The following INTS2 variants were observed in gnomAD, a reference collection of about 807,000 sequenced individuals.
INTS2 encodes KIAA1287.
In INTS2, 57 loss-of-function variants were observed where a neutral mutation model predicts 139.6. That is an observed-to-expected ratio of 0.41 (90% CI 0.33 to 0.51). The LOEUF is 0.51. Among genes scored for constraint, INTS2 ranks in the 20% least tolerant of loss-of-function variants. The pLI is 0.28. For missense variants in INTS2, 1,196 were observed against 1,436.7 expected (o/e 0.83, Z 2.71); for synonymous variants, 473 against 493.4 (o/e 0.96, Z 0.55).
chr17:61,903,665 CAA>C (rs542642709), intron 9 of INTS2, among the ~76,000 whole-genome samples: 3 of 109,716 alleles, frequency 2.7e-5, no homozygotes, highest in Non-Finnish European at 2.0e-5. Flanking sequence ...AATATTAATC[CAA>C]AAAAAAAAAA....
At chr17:61,906,963 CAAAAA>C (rs34773307) in intron 8 of INTS2, among the ~76,000 whole-genome samples, 2 of 80,204 alleles carry the variant, frequency 2.5e-5, no homozygotes, top group East Asian at 4.2e-4. Context: ...GATTCCATCT[CAAAAA>C]AAAAAAAAAA....
intron 8 of INTS2, among the ~76,000 whole-genome samples, chr17:61,906,716 G>A (rs2143077125): frequency 6.6e-6 from 1 of 152,034 alleles, no homozygotes; most frequent in South Asian, 2.1e-4. Flanking sequence ...CAGGCACAGT[G>A]GCTCATGCCT....
intron 15 of INTS2, among the ~76,000 whole-genome samples, chr17:61,889,422 C>A (rs1358697953): frequency 1.3e-5 from 2 of 152,068 alleles, no homozygotes; most frequent in Non-Finnish European, 2.9e-5. Context: ...TTACTCTTTA[C>A]ACTAATGGAA....
intron 7 of INTS2, 127 bp downstream of exon 7, chr17:61,911,393 G>T: frequency 1.5e-6 from 1 of 671,170 alleles, no homozygotes; most frequent in South Asian, 4.3e-5. Context: ...AAAATATAAG[G>T]AGGTCCCTGA....
chr17:61,894,206 T>A (rs1189582109), intron 12 of INTS2: 1 of 174,524 alleles, frequency 5.7e-6, no homozygotes, highest in Non-Finnish European at 1.2e-5. Context: ...AGAAGTCATT[T>A]ATCTTCTGAA....
In INTS2 at chr17:61,875,151, T is replaced by G; in HGVS notation, c.2457-113A>C. ...ATTCAGTAAATAATTAGAAAATACA[T>G]ATGAATGAACTTTGAAAAAATTTAA... On this transcript the variant is annotated intron_variant, in intron 18 of 24. Transcript: ENST00000251334. This position sits in a 1 kb window ranked among gnomAD's most constrained non-coding sequence, Gnocchi z 4.6. The G allele has an allele frequency of 1.4e-6, 1 of 729,440 alleles. No homozygotes were observed. 45.2% of individuals were successfully genotyped at this position (729,440 alleles called of 1,614,324 possible). A position where few individuals can be genotyped will look rare whatever the true frequency, so the allele number is the denominator to read the frequency against.
At chr17:61,880,796 G>C (rs2079170991) in intron 17 of INTS2, among the ~76,000 whole-genome samples, 1 of 124,646 alleles carries the variant, frequency 8.0e-6, no homozygotes, top group African/African-American at 3.1e-5. Context: ...GGGGAAAGGA[G>C]TAAAAGGGGA....
chr17:61,918,548 G>C (rs1299537762), intron 5 of INTS2, among the ~76,000 whole-genome samples: 1 of 151,978 alleles, frequency 6.6e-6, no homozygotes, highest in Non-Finnish European at 1.5e-5. Context: ...AGCCAGATGA[G>C]AAGTATTTTG....
rs1003299228 is a variant in INTS2, at chr17:61,909,349, T to C, written c.955-1715A>G. Reference sequence around the variant, plus strand: ...TGGTCTCCCTCTCTTGACCTTGTGATCCGCCCGCCTCAGCCTCCCAAAGTG... The same window carrying C: ...TGGTCTCCCTCTCTTGACCTTGTGACCCGCCCGCCTCAGCCTCCCAAAGTG... On this transcript the variant is annotated intron_variant, in intron 7 of 24. Transcript: ENST00000251334. The surrounding 1 kb of genome is among the most constrained non-coding windows in gnomAD (Gnocchi z 4.9). Among the ~76,000 whole-genome samples the C allele has an allele frequency of 6.6e-6, 1 of 152,152 alleles. No individual in the cohort carries two copies. The highest frequency in any genetic ancestry group is 1.5e-5 in the Non-Finnish European group (1 of 67,994).
intron 16 of INTS2, among the ~76,000 whole-genome samples, chr17:61,883,962 A>C (rs952541283): frequency 6.6e-6 from 1 of 151,476 alleles, no homozygotes; most frequent in African/African-American, 2.4e-5. Context: ...TACCCACTGC[A>C]CTCCAGCTTG....
intron 8 of INTS2, among the ~76,000 whole-genome samples, chr17:61,905,881 G>C (rs531977294): frequency 2.0e-5 from 3 of 152,048 alleles, no homozygotes; most frequent in African/African-American, 7.2e-5. Flanking sequence ...ATTTTTAGTA[G>C]AGACAGGGTT....
intron 8 of INTS2, among the ~76,000 whole-genome samples, chr17:61,905,766 T>C (rs2079456492): frequency 6.6e-6 from 1 of 152,086 alleles, no homozygotes; most frequent in African/African-American, 2.4e-5. Flanking sequence ...GGTGCAATCT[T>C]AGCTCACCGC....
chr17:61,868,707 T>C lies in INTS2; in HGVS notation c.3244+327A>G, dbSNP rs986701937. On this transcript the variant is annotated intron_variant, in intron 23 of 24. Coordinates refer to ENST00000251334, the MANE Select transcript of INTS2 (RefSeq NM_001351695.2). The surrounding 1 kb of genome is among the most constrained non-coding windows in gnomAD (Gnocchi z 4.7). ...TAATAAATGAACATTTGTTATCTAC[T>C]GATACAATTACATTCTGAAAGTGTA... is the stretch of plus-strand genomic sequence containing the variant. Among the ~76,000 whole-genome samples, 3 of 152,194 alleles carry C rather than the reference T, an allele frequency of 2.0e-5. No homozygotes were observed. The highest frequency in any genetic ancestry group is 7.2e-5 in the African/African-American group (3 of 41,470).
chr17:61,906,479 C>G (rs757083794), intron 8 of INTS2, among the ~76,000 whole-genome samples: 3 of 152,126 alleles, frequency 2.0e-5, no homozygotes, highest in Non-Finnish European at 4.4e-5. Context: ...CTGTTATTTA[C>G]TTAGTGATCT....
rs752761139 is a variant in INTS2, at chr17:61,867,943, C to T, written c.3311G>A (p.Arg1104Gln). 5.0e-6 allele frequency: 8 copies of T among 1,611,590 alleles called. No individual in the cohort carries two copies. The highest frequency in any genetic ancestry group is 2.2e-5 in the South Asian group (2 of 90,602). ...ATCCTCATACAATGGAGGAAATGCTCGACAAAAAGAGACCAAACTTGGCAG... is the reference window on the plus strand; with the variant it reads ...ATCCTCATACAATGGAGGAAATGCTTGACAAAAAGAGACCAAACTTGGCAG... ...PTLPSLVSFC[R>Q]AFPPLYEDIM... is the part of the protein sequence containing the mutation. The change falls in exon 24 of 25, where the codon CGA becomes CAA. Residue 1104 changes from arginine to glutamine, a missense_variant. Around this residue, in one of 3 missense-constraint regions of INTS2, gnomAD observed 1,129 missense variants for 1,341.9 expected, o/e 0.84. Coordinates refer to ENST00000251334, the MANE Select transcript of INTS2 (RefSeq NM_001351695.2). The surrounding 1 kb of genome is among the most constrained non-coding windows in gnomAD (Gnocchi z 5.6).
chr17:61,915,333 G>A lies in INTS2; in HGVS notation c.650-3263C>T, dbSNP rs189134028. The stretch of plus-strand genomic sequence containing the variant: ...AGCCTGGGTGACAGAGCAAGACTCC[G>A]TCTCAAAAAAATAAATAAATAAATA... On this transcript the variant is annotated intron_variant, in intron 5 of 24. Coordinates refer to ENST00000251334, the MANE Select transcript of INTS2 (RefSeq NM_001351695.2). Among the ~76,000 whole-genome samples the A allele has an allele frequency of 8.9e-3, 1,196 of 135,092 alleles. 20 individuals are homozygous for A. Among genetic ancestry groups the A allele is most frequent in the African/African-American group, 0.038 (1,127 of 29,564 alleles). 88.6% of individuals were successfully genotyped at this position (135,092 alleles called of 152,430 possible).
At chr17:61,877,465 T>C (rs558500311) in intron 18 of INTS2, among the ~76,000 whole-genome samples, 12 of 152,328 alleles carry the variant, frequency 7.9e-5, no homozygotes, top group African/African-American at 2.9e-4. Flanking sequence ...TAAAAAGTAC[T>C]GACGCCTGAC....
chr17:61,916,074 C>T (rs2079579872), intron 5 of INTS2, among the ~76,000 whole-genome samples: 1 of 152,062 alleles, frequency 6.6e-6, no homozygotes, highest in South Asian at 2.1e-4. Flanking sequence ...CCAGAAGCAT[C>T]ACATTATCTA....
At position 61,871,605 on chromosome 17, in the gene INTS2, C is replaced by A. The variant is rs1314587608; in HGVS notation, c.2778+660G>T. ...ACCACTCTATCCCCAGTTCCTGGAACAATACTTGGCACACAGTAGGTGTCC... is the reference window on the plus strand; with the variant it reads ...ACCACTCTATCCCCAGTTCCTGGAAAAATACTTGGCACACAGTAGGTGTCC... On this transcript the variant is annotated intron_variant, in intron 20 of 24. Coordinates refer to ENST00000251334, the MANE Select transcript of INTS2 (RefSeq NM_001351695.2). The surrounding 1 kb of genome is among the most constrained non-coding windows in gnomAD (Gnocchi z 4.9). Among the ~76,000 whole-genome samples the A allele has an allele frequency of 6.6e-6, 1 of 152,126 alleles. No homozygotes were observed. The highest frequency in any genetic ancestry group is 2.4e-5 in the African/African-American group (1 of 41,436).
Sources: allele counts gnomAD v4.1 joint callset (sites outside exome capture counted in the v4.1 genomes callset), GRCh38; gene constraint gnomAD v4.1.1; regional missense constraint gnomAD v4.1.1; non-coding constraint Gnocchi (gnomAD v3.1); transcripts MANE v1.5; gene names NCBI Gene and HGNC (gene_info 2026-07-23, HGNC 2026-07-21).